Variants in ZBTB20 observed in about 807,000 individuals in gnomAD.
ZBTB20 encodes zinc finger and BTB domain-containing protein 20.
Under a neutral mutation model 56.9 loss-of-function variants are expected in ZBTB20, and 9 were observed. The ratio of observed to expected loss-of-function variants is 0.16; its 90% CI spans 0.10 to 0.28. The LOEUF (loss-of-function observed/expected upper bound fraction) is 0.28, where lower values mean the gene tolerates loss of function less well. ZBTB20 is among the 10% of genes least tolerant of loss of function. ZBTB20 has a pLI of 1.00. For missense variants in ZBTB20, 655 were observed against 1,003.0 expected (o/e 0.65, Z 4.69); for synonymous variants, 417 against 420.7 (o/e 0.99, Z 0.11).
intron 6 of ZBTB20, among the ~76,000 whole-genome samples, chr3:114,571,823 C>T (rs749342629): frequency 6.6e-6 from 1 of 152,136 alleles, no homozygotes; most frequent in African/African-American, 2.4e-5. Flanking sequence ...CCATTTTAAA[C>T]AGGCTCCCCA....
At chr3:114,369,037 C>G (rs148416323) in intron 10 of ZBTB20, among the ~76,000 whole-genome samples, 3 of 152,198 alleles carry the variant, frequency 2.0e-5, no homozygotes, top group African/African-American at 7.2e-5. Context: ...CCATTAGACA[C>G]AGAGTTATCT....
chr3:114,476,048 T>TA (rs1215477337), intron 7 of ZBTB20, among the ~76,000 whole-genome samples: 1 of 152,088 alleles, frequency 6.6e-6, no homozygotes, highest in Non-Finnish European at 1.5e-5. Flanking sequence ...AGGAGAGTAA[T>TA]AAAAAATCTT....
chr3:114,639,652 T>C (rs918854880), intron 6 of ZBTB20, among the ~76,000 whole-genome samples: 1 of 152,066 alleles, frequency 6.6e-6, no homozygotes, highest in Non-Finnish European at 1.5e-5. Context: ...TTAAGTTAGG[T>C]GGATGATAAG....
intron 10 of ZBTB20, among the ~76,000 whole-genome samples, chr3:114,372,333 A>T (rs555643118): frequency 2.0e-4 from 31 of 152,224 alleles, no homozygotes; most frequent in Non-Finnish European, 3.8e-4. Flanking sequence ...GTGGATAATC[A>T]TATCTATGCA....
intron 4 of ZBTB20, among the ~76,000 whole-genome samples, chr3:114,834,768 G>A (rs947989812): frequency 5.9e-5 from 9 of 151,974 alleles, no homozygotes; most frequent in Admixed American, 3.3e-4. Flanking sequence ...CAAGAGTCCC[G>A]TTCTTTGTCT....
chr3:114,714,677 G>A (rs1260976629), intron 5 of ZBTB20, among the ~76,000 whole-genome samples: 1 of 152,128 alleles, frequency 6.6e-6, no homozygotes, highest in East Asian at 1.9e-4. Flanking sequence ...ATTATACAAG[G>A]TGCAGGCTGT....
chr3:114,868,393 CA>C (rs1304283628), intron 4 of ZBTB20, among the ~76,000 whole-genome samples: 1 of 152,094 alleles, frequency 6.6e-6, no homozygotes, highest in East Asian at 1.9e-4. Flanking sequence ...CTTTTGAGCA[CA>C]GTATATTGTC....
chr3:114,777,381 G>A (rs1400176131), intron 5 of ZBTB20, among the ~76,000 whole-genome samples: 1 of 152,084 alleles, frequency 6.6e-6, no homozygotes, highest in Non-Finnish European at 1.5e-5. Context: ...GTGCATGCCT[G>A]TAATCCCAGC....
chr3:114,381,499 A>C (rs1480120772), intron 8 of ZBTB20, among the ~76,000 whole-genome samples: 1 of 152,240 alleles, frequency 6.6e-6, no homozygotes, highest in African/African-American at 2.4e-5. Flanking sequence ...TATTAGTAAT[A>C]GTTCCTGAAC....
chr3:114,940,440 C>G (rs1404902819), intron 3 of ZBTB20, among the ~76,000 whole-genome samples: 2 of 144,826 alleles, frequency 1.4e-5, no homozygotes, highest in African/African-American at 5.7e-5. Context: ...GTTTGCCAAA[C>G]CCTCTCAGGG....
At chr3:114,363,867 G>C (rs1466535542) in intron 10 of ZBTB20, among the ~76,000 whole-genome samples, 1 of 152,128 alleles carries the variant, frequency 6.6e-6, no homozygotes, top group Non-Finnish European at 1.5e-5. Context: ...GTGGTATTTT[G>C]CATTTCTAGG....
chr3:115,035,886 A>T (rs1361460890), intron 2 of ZBTB20, among the ~76,000 whole-genome samples: 2 of 152,216 alleles, frequency 1.3e-5, no homozygotes, highest in African/African-American at 4.8e-5. Flanking sequence ...AATATTATTC[A>T]GTCTTAAAAA....
chr3:114,420,426 G>C (rs1476124170), intron 7 of ZBTB20, among the ~76,000 whole-genome samples: 2 of 152,156 alleles, frequency 1.3e-5, no homozygotes, highest in Admixed American at 6.5e-5. Flanking sequence ...TTGGAATTAT[G>C]TTCCAGTGCT....
chr3:114,923,027 G>A (rs1303541962), intron 3 of ZBTB20, among the ~76,000 whole-genome samples: 8 of 152,162 alleles, frequency 5.3e-5, no homozygotes, highest in Admixed American at 2.0e-4. Context: ...TAACCAAGTT[G>A]ATGAAGAATT....
At position 114,380,764 on chromosome 3, in the gene ZBTB20, G is replaced by A. The variant is rs567713972; in HGVS notation, c.11+13C>T. 1 of 1,504,544 alleles carries A rather than the reference G, an allele frequency of 6.6e-7. No homozygotes were observed. The highest frequency in any genetic ancestry group is 1.3e-5 in the South Asian group (1 of 76,858). The allele number at this position is 1,504,544 out of a possible 1,614,324, so 93.2% of individuals were successfully genotyped here. A position where few individuals can be genotyped will look rare whatever the true frequency, so the allele number is the denominator to read the frequency against. Reference sequence around the variant, plus strand: ...TTTAACATGGTCTGGAAAAATACTAGTGGAAGTTTTACCGTTCTAGCATTT... The same window carrying A: ...TTTAACATGGTCTGGAAAAATACTAATGGAAGTTTTACCGTTCTAGCATTT... On this transcript the variant is annotated intron_variant, in intron 9 of 11. Coordinates refer to ENST00000675478, the MANE Select transcript of ZBTB20 (RefSeq NM_001348800.3).
intron 4 of ZBTB20, chr3:114,876,508 T>C (rs1410602756): frequency 6.6e-6 from 1 of 152,200 alleles, no homozygotes. Context: ...TAAAAAGTTA[T>C]AAAGTCCTGT....
intron 2 of ZBTB20, among the ~76,000 whole-genome samples, chr3:115,049,306 T>A (rs1482248686): frequency 6.6e-6 from 1 of 152,118 alleles, no homozygotes; most frequent in African/African-American, 2.4e-5. Context: ...AAAAGGAGTA[T>A]CTGGTGGTTA....
intron 3 of ZBTB20, among the ~76,000 whole-genome samples, chr3:114,960,977 C>T (rs2077429472): frequency 6.6e-6 from 1 of 151,854 alleles, no homozygotes; most frequent in South Asian, 2.1e-4. Flanking sequence ...TCAGTGAGGT[C>T]CCAGTGAGAG....
At chr3:115,019,210 C>T (rs1421901916) in intron 2 of ZBTB20, among the ~76,000 whole-genome samples, 1 of 151,264 alleles carries the variant, frequency 6.6e-6, no homozygotes, top group Non-Finnish European at 1.5e-5. Context: ...ATCTGCCCTT[C>T]ATCTTGACAG....
Sources: gnomAD v4.1 joint callset for allele counts (sites outside exome capture counted in the v4.1 genomes callset) on GRCh38, gnomAD v4.1.1 for gene constraint, MANE v1.5 for transcripts, NCBI Gene and HGNC (gene_info 2026-07-23, HGNC 2026-07-21) for gene names.